ADGRE3: variants seen among roughly 807,000 people sequenced by gnomAD.
ADGRE3 encodes EGF-like module receptor 3.
ADGRE3 carries 88 observed loss-of-function variants against 80.1 expected under a neutral mutation model. That is an observed-to-expected ratio of 1.10 (90% CI 0.93 to 1.31). The LOEUF is 1.31. Among genes scored for constraint, ADGRE3 ranks in the 40% most tolerant of loss-of-function variants. The pLI is 0.00. For synonymous variants in ADGRE3, 281 were observed against 294.8 expected (o/e 0.95, Z 0.48); for missense variants, 715 against 776.5 (o/e 0.92, Z 0.94).
intron 14 of ADGRE3, chr19:14,628,788 T>G: frequency 3.8e-6 from 1 of 260,186 alleles, no homozygotes; most frequent in Non-Finnish European, 7.5e-6. Flanking sequence ...TGTGACCTAG[T>G]TTGGGACAGT....
At chr19:14,667,309 T>C (rs1225312719) in intron 2 of ADGRE3, among the ~76,000 whole-genome samples, 1 of 152,058 alleles carries the variant, frequency 6.6e-6, no homozygotes, top group African/African-American at 2.4e-5. Context: ...ACCTTGCTCA[T>C]GAATGTCTTC....
intron 10 of ADGRE3, among the ~76,000 whole-genome samples, chr19:14,639,785 T>C (rs951832740): frequency 2.6e-5 from 4 of 152,158 alleles, no homozygotes; most frequent in African/African-American, 4.8e-5. Flanking sequence ...GCCCTCCCCC[T>C]ATTTGCCTAA....
downstream of ADGRE3, among the ~76,000 whole-genome samples, chr19:14,616,776 C>G (rs1185310354): frequency 7.0e-6 from 1 of 142,836 alleles, no homozygotes; most frequent in Non-Finnish European, 1.5e-5. Flanking sequence ...ACAGTGGAAA[C>G]AAGCTTTTTT....
intron 14 of ADGRE3, among the ~76,000 whole-genome samples, chr19:14,627,345 G>A (rs180755373): frequency 3.6e-4 from 54 of 152,108 alleles, no homozygotes; most frequent in Non-Finnish European, 4.9e-4. Context: ...GCTTATACTC[G>A]TTATATAAAC....
At chr19:14,647,023 G>T (rs1024359498) in intron 8 of ADGRE3, among the ~76,000 whole-genome samples, 158 bp downstream of exon 8, 23 of 152,052 alleles carry the variant, frequency 1.5e-4, no homozygotes, top group Non-Finnish European at 3.2e-4. Context: ...TCAAAATCTC[G>T]ATTCAGACCA....
chr19:14,645,897 A>G (rs888082424), intron 8 of ADGRE3, among the ~76,000 whole-genome samples: 1 of 152,084 alleles, frequency 6.6e-6, no homozygotes, highest in African/African-American at 2.4e-5. Flanking sequence ...CCTTGAGCCC[A>G]GGAGTCCGAG....
intron 9 of ADGRE3, among the ~76,000 whole-genome samples, chr19:14,643,407 G>A (rs979926876): frequency 6.6e-6 from 1 of 151,938 alleles, no homozygotes; most frequent in African/African-American, 2.4e-5. Context: ...GCCTCCCAAA[G>A]TGCTGGGATT....
Position 14,641,634 on chromosome 19 carries a change from A to T in ADGRE3, c.1051-18T>A. 2 of 1,613,248 alleles carry T rather than the reference A, an allele frequency of 1.2e-6. No individual in the cohort carries two copies. The highest frequency in any genetic ancestry group is 1.1e-5 in the South Asian group (1 of 90,924). The stretch of plus-strand genomic sequence containing the variant: ...TCCTCCTCCTGGGACCGAGAAAAAA[A>T]GTTCACAGTGATGCTTTCCTGCACT... On this transcript the variant is annotated intron_variant, in intron 9 of 15. Transcript: ENST00000253673.
At chr19:14,650,130 A>C (rs1344044830) in intron 7 of ADGRE3, among the ~76,000 whole-genome samples, 9 of 111,964 alleles carry the variant, frequency 8.0e-5, no homozygotes, top group East Asian at 2.7e-4. Flanking sequence ...CTCTCTTTCC[A>C]TCTCTCTCTA....
At chr19:14,657,309 G>A (rs759669929) in intron 5 of ADGRE3, among the ~76,000 whole-genome samples, 2 of 152,134 alleles carry the variant, frequency 1.3e-5, no homozygotes, top group African/African-American at 2.4e-5. Flanking sequence ...ATTACATGAT[G>A]TAATCACATA....
At chr19:14,647,722 G>A (rs545102883) in intron 7 of ADGRE3, among the ~76,000 whole-genome samples, 19 of 150,936 alleles carry the variant, frequency 1.3e-4, no homozygotes, top group South Asian at 2.1e-4. Context: ...CCGGTCTGCC[G>A]TTTTTTAGAA....
In ADGRE3 at chr19:14,658,544, G is replaced by A; in HGVS notation, c.362C>T (p.Thr121Ile). 1 of 1,564,418 alleles carries A rather than the reference G, an allele frequency of 6.4e-7. No individual in the cohort carries two copies. Among genetic ancestry groups the A allele is most frequent in the Non-Finnish European group, 8.7e-7 (1 of 1,154,696 alleles). ...NSNENTCQDT[T>I]SSKTTEGRKE... is the part of the protein sequence containing the mutation. The stretch of plus-strand genomic sequence containing the variant: ...CCTGCCCTCGGTTGTCTTTGAGGAG[G>A]TGGTGTCTGCAAAAGACATCATGAT... Residue 121 changes from threonine (T) to isoleucine (I), a missense_variant, in exon 5 of 16, where the codon ACC becomes ATC. Thr to Ile is a moderately conservative substitution (Grantham distance 89, BLOSUM62 -1). Coordinates refer to ENST00000253673, the MANE Select transcript of ADGRE3 (RefSeq NM_032571.5).
At chr19:14,668,615 A>C in intron 2 of ADGRE3, 187 bp downstream of exon 2, 1 of 545,212 alleles carries the variant, frequency 1.8e-6, no homozygotes, top group Non-Finnish European at 3.3e-6. Flanking sequence ...AAACAAAACG[A>C]TAAATAAAAG....
chr19:14,660,924 G>C (rs1341249209), intron 4 of ADGRE3, among the ~76,000 whole-genome samples: 1 of 144,490 alleles, frequency 6.9e-6, no homozygotes, highest in African/African-American at 2.6e-5. Flanking sequence ...GAGCGGGTTG[G>C]TGGTCATATT....
intron 8 of ADGRE3, among the ~76,000 whole-genome samples, chr19:14,644,887 A>G (rs1379476450): frequency 1.3e-5 from 2 of 151,778 alleles, no homozygotes; most frequent in Non-Finnish European, 2.9e-5. Context: ...CACCATGCCC[A>G]GCTAACTTTT....
Position 14,623,311 on chromosome 19 carries a change from A to T in ADGRE3, c.1920+2181T>A, listed in dbSNP as rs1303005563. 7.3e-5 allele frequency among the ~76,000 whole-genome samples: 2 copies of T among 27,354 alleles called. 1 individual carries two copies. The highest frequency in any genetic ancestry group is 1.7e-4 in the Non-Finnish European group (2 of 11,506). The allele number at this position is 27,354 out of a possible 152,430, so 17.9% of individuals were successfully genotyped here. A position where few individuals can be genotyped will look rare whatever the true frequency, so the allele number is the denominator to read the frequency against. ...AAAAAAAAAAAAATAAAAAAAAAAA[A>T]AAATAAAACTCCTGGACTTAAGTGA... On this transcript the variant is annotated intron_variant, in intron 15 of 15. Transcript: ENST00000253673.
At chr19:14,600,367 T>C in the ADGRE3 span, among the ~76,000 whole-genome samples, 2 of 152,256 alleles carry the variant, frequency 1.3e-5, no homozygotes, top group African/African-American at 4.8e-5. Flanking sequence ...GCTTTGTTTT[T>C]GAGTTCAAAT....
At chr19:14,636,365 G>C (rs557605850) in intron 11 of ADGRE3, among the ~76,000 whole-genome samples, 1 of 150,576 alleles carries the variant, frequency 6.6e-6, no homozygotes, top group Admixed American at 6.7e-5. Context: ...GTGCCACCAC[G>C]TCTGGCTAAT....
intron 6 of ADGRE3, among the ~76,000 whole-genome samples, chr19:14,651,416 A>C (rs1971604721): frequency 6.6e-6 from 1 of 152,160 alleles, no homozygotes; most frequent in South Asian, 2.1e-4. Flanking sequence ...AATGGCTCAC[A>C]TATACTGAAT....
Sources: gnomAD v4.1 joint callset for allele counts (sites outside exome capture counted in the v4.1 genomes callset) on GRCh38, gnomAD v4.1.1 for gene constraint, MANE v1.5 for transcripts, NCBI Gene and HGNC (gene_info 2026-07-23, HGNC 2026-07-21) for gene names.